The following RYR3 variants were observed in gnomAD, a reference collection of about 807,000 sequenced individuals.
RYR3 encodes brain ryanodine receptor-calcium release channel.
A neutral mutation model predicts 584.3 loss-of-function variants in RYR3; 207 were observed. The observed-to-expected ratio is 0.35, with a 90% CI of 0.32 to 0.40. The LOEUF is 0.40. Among genes scored for constraint, RYR3 ranks in the 10% least tolerant of loss-of-function variants. The pLI, the probability that RYR3 is intolerant of heterozygous loss-of-function variation, is 1.00. For synonymous variants in RYR3, 2,416 were observed against 2,248.5 expected, an observed-to-expected ratio of 1.07 and a Z score of -2.11; for missense variants, 5,616 against 6,089.2, an observed-to-expected ratio of 0.92 and a Z score of 2.59.
At chr15:33,705,187 ACT>A (rs2066610187) in intron 42 of RYR3, among the ~76,000 whole-genome samples, 2 of 149,846 alleles carry the variant, frequency 1.3e-5, no homozygotes, top group South Asian at 2.1e-4. Flanking sequence ...AATCTTGAAA[ACT>A]CTGCCCAATT....
chr15:33,832,476 GA>G (rs1441261018), intron 86 of RYR3, among the ~76,000 whole-genome samples: 9 of 151,886 alleles, frequency 5.9e-5, no homozygotes, highest in Non-Finnish European at 1.2e-4. Flanking sequence ...CCAACATGGC[GA>G]AACCCCGTCT....
intron 102 of RYR3, among the ~76,000 whole-genome samples, chr15:33,863,193 G>C (rs1027004414): frequency 3.3e-5 from 5 of 152,116 alleles, no homozygotes; most frequent in African/African-American, 1.2e-4. Flanking sequence ...ATTCGTGTTT[G>C]AGCCTCCCAC....
At chr15:33,427,897 G>C (rs2044778847) in intron 1 of RYR3, among the ~76,000 whole-genome samples, 2 of 152,336 alleles carry the variant, frequency 1.3e-5, no homozygotes, top group South Asian at 4.1e-4. Context: ...GAATAGCAAA[G>C]GGCAGGCCTT....
chr15:33,829,870 G>A (rs541782061), intron 85 of RYR3, among the ~76,000 whole-genome samples: 161 of 152,292 alleles, frequency 1.1e-3, no homozygotes, highest in African/African-American at 3.8e-3. Flanking sequence ...GACTTCAGTG[G>A]AGGAAATAAA....
chr15:33,592,508 G>A (rs967496312), intron 16 of RYR3, among the ~76,000 whole-genome samples: 7 of 152,210 alleles, frequency 4.6e-5, no homozygotes, highest in African/African-American at 1.7e-4. Flanking sequence ...AGGAAGGTAA[G>A]GATGGTGGGG....
At chr15:33,403,038 A>C (rs1417014834) in intron 1 of RYR3, among the ~76,000 whole-genome samples, 1 of 152,184 alleles carries the variant, frequency 6.6e-6, no homozygotes, top group Non-Finnish European at 1.5e-5. Flanking sequence ...AATGGACTTT[A>C]CTTTGATATT....
At position 33,785,912 on chromosome 15, in the gene RYR3, G is replaced by A; in HGVS notation, c.9519G>A (p.Leu3173=). 2.5e-6 allele frequency: 4 copies of A among 1,611,636 alleles called. No homozygotes were observed. The highest frequency in any genetic ancestry group is 3.4e-6 in the Non-Finnish European group (4 of 1,178,370). The change falls in exon 66 of 104, where the codon CTG becomes CTA. Residue 3173 remains leucine, a synonymous_variant. Coordinates refer to ENST00000634891, the MANE Select transcript of RYR3 (RefSeq NM_001036.6). ...CCTCTGAACACCTCAGTCTCATCCT[G>A]GGCAACATTCTGAAAATCATCAACA... ...KVTSEHLSLI[L]GNILKIINNN... is the part of the protein sequence containing the mutation.
chr15:33,841,991 G>C lies in RYR3; in HGVS notation c.13165G>C (p.Ala4389Pro), dbSNP rs2078399281. 6.2e-7 allele frequency: 1 copy of C among 1,603,674 alleles called. No individual in the cohort carries two copies. The highest frequency in any genetic ancestry group is 1.1e-5 in the South Asian group (1 of 88,856). Residue 4389 changes from alanine (A) to proline (P), a missense_variant, in exon 91 of 104, where the codon GCC becomes CCC. Ala to Pro is a conservative substitution (Grantham distance 27). Around this residue, in one of 9 missense-constraint regions of RYR3, gnomAD observed 918 missense variants for 887.4 expected, o/e 1.03. Transcript: ENST00000634891. ...GGTTGAGAAGCCGGAAGCTTTCACA[G>C]CCAATTTCTTTAAAGGGCTGGAAAT... is the stretch of plus-strand genomic sequence containing the variant. ...QKVEKPEAFT[A>P]NFFKGLEIYQ...
At chr15:33,500,978 G>T (rs1435110) in intron 2 of RYR3, among the ~76,000 whole-genome samples, 97,506 of 151,920 alleles carry the variant, frequency 0.64, 32,336 homozygotes, top group African/African-American at 0.8. Flanking sequence ...CATTGTTTTG[G>T]GTGCTGTTGG....
chr15:33,717,129 A>G (rs956833231), intron 43 of RYR3, among the ~76,000 whole-genome samples: 1 of 152,160 alleles, frequency 6.6e-6, no homozygotes, highest in Non-Finnish European at 1.5e-5. Context: ...CCTTCAAAAT[A>G]TCTGGGCTAC....
chr15:33,447,175 A>C (rs979985524), intron 1 of RYR3, among the ~76,000 whole-genome samples: 4 of 152,244 alleles, frequency 2.6e-5, no homozygotes, highest in Admixed American at 2.6e-4. Flanking sequence ...GTTTGGAGAC[A>C]GCTTCTATTT....
At chr15:33,544,486 C>T (rs772025292) in intron 8 of RYR3, among the ~76,000 whole-genome samples, 1 of 152,074 alleles carries the variant, frequency 6.6e-6, no homozygotes, top group Non-Finnish European at 1.5e-5. Flanking sequence ...TCATTAGAAA[C>T]GTGGGCTCAC....
In RYR3 at chr15:33,572,688, C is replaced by CACACACACACACACACATAT. The variant is rs368204203; in HGVS notation, c.1268+5891_1268+5892insACACACACACACACATATAC. Among the ~76,000 whole-genome samples the CACACACACACACACACATAT allele has an allele frequency of 1.4e-4, 18 of 131,466 alleles. No individual in the cohort carries two copies. The South Asian group carries it at 1.7e-3, about 12-fold the overall frequency. 86.2% of individuals were successfully genotyped at this position (131,466 alleles called of 152,430 possible). On this transcript the variant is annotated intron_variant, in intron 12 of 103. Transcript: ENST00000634891. ...ACACACACACACACACACACACACA[C>CACACACACACACACACATAT]ACTGGGCTGGGCACAATGGCTCACG... is the stretch of plus-strand genomic sequence containing the variant.
At chr15:33,505,782 A>G (rs1337917916) in intron 3 of RYR3, among the ~76,000 whole-genome samples, 1 of 151,996 alleles carries the variant, frequency 6.6e-6, no homozygotes, top group African/African-American at 2.4e-5. Context: ...GTGAGCCACC[A>G]CGCCTGGCCG....
At chr15:33,456,028 T>A (rs1484969853) in intron 1 of RYR3, among the ~76,000 whole-genome samples, 2 of 152,334 alleles carry the variant, frequency 1.3e-5, no homozygotes, top group African/African-American at 4.8e-5. Context: ...GAGAAGATAG[T>A]TCTGTATTCT....
intron 1 of RYR3, among the ~76,000 whole-genome samples, chr15:33,459,058 G>A (rs1207105770): frequency 6.6e-6 from 1 of 152,186 alleles, no homozygotes; most frequent in East Asian, 1.9e-4. Context: ...CCTCACTGGT[G>A]TCTGTGACCT....
At chr15:33,738,366 A>G (rs1384069838) in intron 49 of RYR3, 84 bp from the exon 50 acceptor site, 3 of 1,365,262 alleles carry the variant, frequency 2.2e-6, no homozygotes, top group Admixed American at 4.3e-5. Context: ...TCTGCTTACT[A>G]CTTGATTCTC....
chr15:33,577,641 G>A (rs974396453), intron 12 of RYR3, among the ~76,000 whole-genome samples: 1 of 152,136 alleles, frequency 6.6e-6, no homozygotes, highest in Non-Finnish European at 1.5e-5. Flanking sequence ...AGACTTCAAT[G>A]TAAGACCCAA....
At chr15:33,498,896 C>T (rs1280975165) in intron 2 of RYR3, among the ~76,000 whole-genome samples, 1 of 152,018 alleles carries the variant, frequency 6.6e-6, no homozygotes, top group African/African-American at 2.4e-5. Flanking sequence ...AGCATATGCA[C>T]GTTCAGTTTT....
Sources: gnomAD v4.1 joint callset for allele counts (sites outside exome capture counted in the v4.1 genomes callset) on GRCh38, gnomAD v4.1.1 for gene constraint, gnomAD v4.1.1 regional missense constraint, MANE v1.5 for transcripts, NCBI Gene and HGNC (gene_info 2026-07-23, HGNC 2026-07-21) for gene names.